UBASH3B: variants seen among roughly 807,000 people sequenced by gnomAD.
UBASH3B encodes the protein ubiquitin associated and SH3 domain containing B.
In UBASH3B, 37 loss-of-function variants were observed where a neutral mutation model predicts 83.4. The ratio of observed to expected loss-of-function variants is 0.44; its 90% CI spans 0.34 to 0.58. UBASH3B has a LOEUF of 0.58. Among genes scored for constraint, UBASH3B ranks in the 20% least tolerant of loss-of-function variants. The pLI, the probability that UBASH3B is intolerant of heterozygous loss-of-function variation, is 0.01. For synonymous variants in UBASH3B, 304 were observed against 318.3 expected (o/e 0.96, Z 0.48); for missense variants, 657 against 827.2 (o/e 0.79, Z 2.52).
chr11:122,809,370 C>T (rs1008183484), intron 13 of UBASH3B, among the ~76,000 whole-genome samples: 1 of 152,216 alleles, frequency 6.6e-6, no homozygotes, highest in Admixed American at 6.5e-5. Context: ...CCACTGTGCC[C>T]GGCCTTGAGC....
At position 122,694,954 on chromosome 11, in the gene UBASH3B, CTTTTTTTT is replaced by C. The variant is rs71054088; in HGVS notation, c.161+38764_161+38771del. Among the ~76,000 whole-genome samples the C allele has an allele frequency of 4.1e-3, 207 of 50,390 alleles. 1 individual carries two copies. Among genetic ancestry groups the C allele is most frequent in the Non-Finnish European group, 6.0e-3 (167 of 28,010 alleles). 33.1% of individuals were successfully genotyped at this position (50,390 alleles called of 152,430 possible). On this transcript the variant is annotated intron_variant, in intron 1 of 13. Coordinates refer to ENST00000284273, the MANE Select transcript of UBASH3B (RefSeq NM_032873.5). ...TATTTATTTTTCTTTTCTTTTCTTT[CTTTTTTTT>C]TTTTTTTTTTTTTTTTTTTGAGGTG...
At chr11:122,690,188 A>AATTT (rs1863868811) in intron 1 of UBASH3B, among the ~76,000 whole-genome samples, 1 of 21,902 alleles carries the variant, frequency 4.6e-5, no homozygotes, top group African/African-American at 1.5e-4. Flanking sequence ...ATATATATAT[A>AATTT]TATATATATA....
intron 1 of UBASH3B, among the ~76,000 whole-genome samples, chr11:122,769,344 C>T (rs747790056): frequency 6.6e-6 from 1 of 152,220 alleles, no homozygotes; most frequent in Non-Finnish European, 1.5e-5. Context: ...ATGATCCAAA[C>T]GCCTCCCACC....
intron 5 of UBASH3B, among the ~76,000 whole-genome samples, chr11:122,788,008 A>G (rs1353710726): frequency 6.6e-6 from 1 of 152,208 alleles, no homozygotes; most frequent in African/African-American, 2.4e-5. Flanking sequence ...AATGTTCTCT[A>G]CAGTACCTTC....
intron 1 of UBASH3B, among the ~76,000 whole-genome samples, chr11:122,713,292 C>T (rs1294855565): frequency 6.6e-6 from 1 of 151,982 alleles, no homozygotes; most frequent in Non-Finnish European, 1.5e-5. Context: ...CACTGTAGAT[C>T]CCAAGAATAG....
chr11:122,714,006 C>T (rs1321102156), intron 1 of UBASH3B, among the ~76,000 whole-genome samples: 1 of 152,180 alleles, frequency 6.6e-6, no homozygotes, highest in Non-Finnish European at 1.5e-5. Context: ...ACTCTGGAAA[C>T]AGGCAGGAGT....
chr11:122,690,954 C>T (rs1046995720), intron 1 of UBASH3B, among the ~76,000 whole-genome samples: 1 of 152,154 alleles, frequency 6.6e-6, no homozygotes, highest in South Asian at 2.1e-4. Flanking sequence ...AAGGCTGAAG[C>T]CCAGAGTGCT....
At chr11:122,716,140 T>A (rs1331606747) in intron 1 of UBASH3B, among the ~76,000 whole-genome samples, 1 of 152,160 alleles carries the variant, frequency 6.6e-6, no homozygotes, top group Non-Finnish European at 1.5e-5. Context: ...AAGCTGGGGC[T>A]GGTGAGAACT....
intron 1 of UBASH3B, among the ~76,000 whole-genome samples, chr11:122,729,714 C>T (rs61910262): frequency 7.0e-6 from 1 of 142,254 alleles, no homozygotes; most frequent in African/African-American, 2.7e-5. Flanking sequence ...AATCCTAACA[C>T]GTTGGGAGGC....
At chr11:122,732,851 T>A (rs915665125) in intron 1 of UBASH3B, among the ~76,000 whole-genome samples, 1 of 152,226 alleles carries the variant, frequency 6.6e-6, no homozygotes, top group Admixed American at 6.5e-5. Context: ...AAACAATAGA[T>A]TCTAATCAAT....
chr11:122,721,304 G>A (rs1022669516), intron 1 of UBASH3B, among the ~76,000 whole-genome samples: 3 of 150,468 alleles, frequency 2.0e-5, no homozygotes, highest in African/African-American at 7.3e-5. Flanking sequence ...TACAACAGAT[G>A]CTGACTGACC....
intron 1 of UBASH3B, among the ~76,000 whole-genome samples, chr11:122,696,997 A>G (rs1452530554): frequency 1.3e-5 from 2 of 152,182 alleles, no homozygotes; most frequent in Admixed American, 1.3e-4. Context: ...TGGTGACTCC[A>G]GTGGGTCACT....
intron 1 of UBASH3B, among the ~76,000 whole-genome samples, chr11:122,680,951 G>A (rs1307550936): frequency 3.3e-5 from 5 of 152,196 alleles, no homozygotes; most frequent in Non-Finnish European, 7.3e-5. Context: ...AATGCTGTGA[G>A]CAGCCGGTCC....
chr11:122,727,323 C>G (rs1860759434), intron 1 of UBASH3B, among the ~76,000 whole-genome samples: 2 of 152,172 alleles, frequency 1.3e-5, no homozygotes, highest in Admixed American at 1.3e-4. Flanking sequence ...CTGTAATTAG[C>G]TAGAATTGCA....
chr11:122,749,081 G>C (rs531714240), intron 1 of UBASH3B, among the ~76,000 whole-genome samples: 1 of 152,332 alleles, frequency 6.6e-6, no homozygotes, highest in East Asian at 1.9e-4. Context: ...ACACATAGCA[G>C]TATGTGCATC....
At chr11:122,733,817 G>A (rs1332718265) in intron 1 of UBASH3B, among the ~76,000 whole-genome samples, 1 of 152,186 alleles carries the variant, frequency 6.6e-6, no homozygotes, top group East Asian at 1.9e-4. Flanking sequence ...CAGTTGACTT[G>A]TATCTTGAAT....
chr11:122,732,418 A>G (rs1484034504), intron 1 of UBASH3B, among the ~76,000 whole-genome samples: 2 of 152,210 alleles, frequency 1.3e-5, no homozygotes, highest in African/African-American at 2.4e-5. Flanking sequence ...TTGATTTATT[A>G]TTTGTAAACA....
intron 1 of UBASH3B, among the ~76,000 whole-genome samples, chr11:122,725,070 A>ATGAT (rs1860709712): frequency 7.7e-6 from 1 of 130,158 alleles, no homozygotes; most frequent in African/African-American, 2.9e-5. Flanking sequence ...CCCCGATTCA[A>ATGAT]TCAATTCTCC....
At chr11:122,696,316 G>A (rs1354697616) in intron 1 of UBASH3B, among the ~76,000 whole-genome samples, 2 of 146,432 alleles carry the variant, frequency 1.4e-5, no homozygotes, top group Non-Finnish European at 3.0e-5. Flanking sequence ...ATTTCTTCAG[G>A]GCCCTACGTT....
Sources: allele counts gnomAD v4.1 joint callset (sites outside exome capture counted in the v4.1 genomes callset), GRCh38; gene constraint gnomAD v4.1.1; transcripts MANE v1.5; gene names NCBI Gene and HGNC (gene_info 2026-07-23, HGNC 2026-07-21).